C16orf95: variants seen among roughly 807,000 people sequenced by gnomAD.
C16orf95 encodes the protein chromosome 16 open reading frame 95.
Under a neutral mutation model 32.1 loss-of-function variants are expected in C16orf95, and 41 were observed. The observed-to-expected ratio is 1.28, with a 90% CI of 1.00 to 1.66. The LOEUF (loss-of-function observed/expected upper bound fraction) is 1.66, where lower values mean the gene tolerates loss of function less well. Among genes scored for constraint, C16orf95 ranks in the 40% most tolerant of loss-of-function variants. The pLI, the probability that C16orf95 is intolerant of heterozygous loss-of-function variation, is 0.00. For synonymous variants in C16orf95, 147 were observed against 128.9 expected (o/e 1.14, Z -0.95); for missense variants, 399 against 325.9 (o/e 1.22, Z -1.73).
chr16:87,305,635 C>T lies in C16orf95; in HGVS notation c.701+84G>A. 1 of 1,280,322 alleles carries T rather than the reference C, an allele frequency of 7.8e-7. No homozygotes were observed. Among genetic ancestry groups the T allele is most frequent in the Non-Finnish European group, 1.0e-6 (1 of 962,684 alleles). 79.3% of individuals were successfully genotyped at this position (1,280,322 alleles called of 1,614,324 possible). On this transcript the variant is annotated intron_variant, in intron 6 of 6. Transcript: ENST00000567970. The surrounding 1 kb of genome is among the most constrained non-coding windows in gnomAD (Gnocchi z 4.2). ...TTAAGCCCCACCCCCCACTCTTCCA[C>T]ATCCCTGATGGCCACCAAGCCTCCC...
chr16:87,311,320 A>G (rs1239623828), intron 3 of C16orf95, 24 bp from the exon 4 acceptor site: 54 of 1,511,578 alleles, frequency 3.6e-5, no homozygotes, highest in Non-Finnish European at 4.7e-5. Flanking sequence ...TGGGAGGAGA[A>G]GATTCAGAAG....
chr16:87,314,611 C>G (rs549495989), intron 3 of C16orf95, among the ~76,000 whole-genome samples: 9 of 152,252 alleles, frequency 5.9e-5, no homozygotes, highest in African/African-American at 2.2e-4. Context: ...GGGGGGAATA[C>G]CTACGGCAAG....
At chr16:87,306,369 G>A (rs1313805585) in intron 5 of C16orf95, among the ~76,000 whole-genome samples, 1 of 152,068 alleles carries the variant, frequency 6.6e-6, no homozygotes, top group Non-Finnish European at 1.5e-5. Flanking sequence ...GAATTCCAAC[G>A]TTTCCATTTC....
intron 6 of C16orf95, chr16:87,303,664 C>T (rs935300255): frequency 2.6e-5 from 4 of 154,858 alleles, no homozygotes; most frequent in African/African-American, 9.6e-5. Context: ...ACCAACACCA[C>T]AGAGTGAGTG....
At chr16:87,311,594 A>C (rs1370212389) in intron 3 of C16orf95, among the ~76,000 whole-genome samples, 1 of 152,104 alleles carries the variant, frequency 6.6e-6, no homozygotes, top group Non-Finnish European at 1.5e-5. Context: ...GTATTGGGAG[A>C]CCTGGCTCTG....
chr16:87,313,300 C>T (rs994382773), intron 3 of C16orf95, among the ~76,000 whole-genome samples: 1 of 151,658 alleles, frequency 6.6e-6, no homozygotes, highest in African/African-American at 2.4e-5. Context: ...ATAATCAAGA[C>T]AGTGTAGTAT....
At chr16:87,313,206 AG>A (rs1477485226) in intron 3 of C16orf95, among the ~76,000 whole-genome samples, 5 of 150,104 alleles carry the variant, frequency 3.3e-5, no homozygotes, top group Admixed American at 3.3e-4. Flanking sequence ...AAAAAAAAAA[AG>A]AGAAAAGCCA....
chr16:87,311,333 G>T (rs1415369608), intron 3 of C16orf95, 37 bp from the exon 4 acceptor site: 2 of 1,500,750 alleles, frequency 1.3e-6, no homozygotes, highest in East Asian at 5.0e-5. Flanking sequence ...TTCAGAAGGG[G>T]ATGGAGCCAT....
In C16orf95 at chr16:87,317,348, C is replaced by G. The variant is rs541803987; in HGVS notation, c.-106G>C. The G allele has an allele frequency of 7.0e-7, 1 of 1,429,128 alleles. No individual in the cohort carries two copies. Among genetic ancestry groups the G allele is most frequent in the African/African-American group, 1.4e-5 (1 of 69,350 alleles). 88.5% of individuals were successfully genotyped at this position (1,429,128 alleles called of 1,614,324 possible). ...TGCCCCAGGAGGAACCCAACCCGAG[C>G]TCAACCCCAGCCCCAACCTCAACCG... On this transcript the variant is annotated 5_prime_UTR_variant, in exon 1 of 7. Coordinates refer to ENST00000567970, the MANE Select transcript of C16orf95 (RefSeq NM_001195124.3).
In C16orf95 at chr16:87,305,673, C is replaced by A; in HGVS notation, c.701+46G>T. ...CACCAAGCCTCCCTCAGGTGGACGT[C>A]ACCATGCCAGGGCCACCCACTGTCC... On this transcript the variant is annotated intron_variant, in intron 6 of 6. Coordinates refer to ENST00000567970, the MANE Select transcript of C16orf95 (RefSeq NM_001195124.3). The surrounding 1 kb of genome is among the most constrained non-coding windows in gnomAD (Gnocchi z 4.2). 1 of 1,446,234 alleles carries A rather than the reference C, an allele frequency of 6.9e-7. No homozygotes were observed. Among genetic ancestry groups the A allele is most frequent in the South Asian group, 1.4e-5 (1 of 71,712 alleles). The allele number at this position is 1,446,234 out of a possible 1,614,324, so 89.6% of individuals were successfully genotyped here. A position where few individuals can be genotyped will look rare whatever the true frequency, so the allele number is the denominator to read the frequency against.
chr16:87,305,627 C>T lies in C16orf95; in HGVS notation c.701+92G>A. 1 of 1,204,170 alleles carries T rather than the reference C, an allele frequency of 8.3e-7. No individual in the cohort carries two copies. Among genetic ancestry groups the T allele is most frequent in the Non-Finnish European group, 1.1e-6 (1 of 894,234 alleles). 74.6% of individuals were successfully genotyped at this position (1,204,170 alleles called of 1,614,324 possible). A position where few individuals can be genotyped will look rare whatever the true frequency, so the allele number is the denominator to read the frequency against. On this transcript the variant is annotated intron_variant, in intron 6 of 6. Coordinates refer to ENST00000567970, the MANE Select transcript of C16orf95 (RefSeq NM_001195124.3). This position sits in a 1 kb window ranked among gnomAD's most constrained non-coding sequence, Gnocchi z 4.2. ...CTGTCAAGTTAAGCCCCACCCCCCA[C>T]TCTTCCACATCCCTGATGGCCACCA...
At chr16:87,312,222 G>A (rs1170964537) in intron 3 of C16orf95, among the ~76,000 whole-genome samples, 1 of 152,204 alleles carries the variant, frequency 6.6e-6, no homozygotes, top group East Asian at 1.9e-4. Flanking sequence ...TGAGGAGGAG[G>A]TTACAGCAGG....
rs1256891893 is a variant in C16orf95 at position 87,310,262 on chromosome 16, G to A, written c.514+35C>T. On this transcript the variant is annotated intron_variant, in intron 5 of 6. Transcript: ENST00000567970. ...TCACGAACCCCACCTTTCTGGGGAG[G>A]GGGATGATATGAGACACACACACAC... 2.6e-6 allele frequency: 4 copies of A among 1,534,718 alleles called. No homozygotes were observed. The Admixed American group carries it at 7.8e-5, about 30-fold the overall frequency.
intron 6 of C16orf95, among the ~76,000 whole-genome samples, chr16:87,304,365 C>G (rs372139171): frequency 1.1e-5 from 1 of 87,480 alleles, no homozygotes; most frequent in Non-Finnish European, 3.0e-5. Flanking sequence ...CGCCCATCCT[C>G]TAAGGCTGGG....
chr16:87,314,775 G>A (rs1455307058), intron 3 of C16orf95, among the ~76,000 whole-genome samples, 196 bp downstream of exon 3: 1 of 152,178 alleles, frequency 6.6e-6, no homozygotes, highest in African/African-American at 2.4e-5. Context: ...TGTGTGAGGT[G>A]TGCCTCCCTC....
chr16:87,303,534 G>C (rs560402966), intron 6 of C16orf95: 1 of 171,834 alleles, frequency 5.8e-6, no homozygotes, highest in Non-Finnish European at 1.3e-5. Flanking sequence ...CATCTCACAG[G>C]GCACCCAAAC....
chr16:87,306,749 T>C (rs1045300937), intron 5 of C16orf95, among the ~76,000 whole-genome samples: 1 of 152,164 alleles, frequency 6.6e-6, no homozygotes, highest in South Asian at 2.1e-4. Context: ...TGAGATCTGC[T>C]CTCTTAATTC....
rs560589911 is a variant in C16orf95, at chr16:87,307,671, T to C, written c.515-1766A>G. Among the ~76,000 whole-genome samples, 215 of 152,194 alleles carry C rather than the reference T, an allele frequency of 1.4e-3. 1 individual carries two copies. The highest frequency in any genetic ancestry group is 2.4e-3 in the Non-Finnish European group (165 of 68,006). On this transcript the variant is annotated intron_variant, in intron 5 of 6. Coordinates refer to ENST00000567970, the MANE Select transcript of C16orf95 (RefSeq NM_001195124.3). Reference sequence around the variant, plus strand: ...TACTTGGGAGGCTGAGGTAGGAGAATTGCTTGAACCCAGGAGGCAGAGCTT... The same window carrying C: ...TACTTGGGAGGCTGAGGTAGGAGAACTGCTTGAACCCAGGAGGCAGAGCTT...
intron 6 of C16orf95, among the ~76,000 whole-genome samples, chr16:87,304,670 C>T (rs951128174): frequency 1.9e-4 from 29 of 152,168 alleles, no homozygotes; most frequent in African/African-American, 4.8e-4. Flanking sequence ...ACCCGTACCC[C>T]GATGCACATC....
Sources: gnomAD v4.1 joint callset for allele counts (sites outside exome capture counted in the v4.1 genomes callset) on GRCh38, gnomAD v4.1.1 for gene constraint, Gnocchi (gnomAD v3.1) non-coding constraint, MANE v1.5 for transcripts, NCBI Gene and HGNC (gene_info 2026-07-23, HGNC 2026-07-21) for gene names.